The following GNG4 variants were observed in gnomAD, a reference collection of about 807,000 sequenced individuals.
The protein encoded by GNG4 is G protein subunit gamma 4, also known as guanine nucleotide-binding protein G(I)/G(S)/G(O) subunit gamma-4.
In GNG4, 4 loss-of-function variants were observed where a neutral mutation model predicts 5.8. The ratio of observed to expected loss-of-function variants is 0.69; its 90% CI spans 0.34 to 1.57. GNG4 has a LOEUF of 1.57. Among genes scored for constraint, GNG4 ranks in the 40% most tolerant of loss-of-function variants. The pLI is 0.06. For synonymous variants in GNG4, 29 were observed against 32.9 expected, an observed-to-expected ratio of 0.88 and a Z score of 0.41; for missense variants, 96 against 95.1, an observed-to-expected ratio of 1.01 and a Z score of -0.04.
chr1:235,555,191 G>A lies in GNG4; in HGVS notation c.100-2954C>T, dbSNP rs150662262. On this transcript the variant is annotated intron_variant, in intron 3 of 3. Transcript: ENST00000391854. Reference sequence around the variant, plus strand: ...TCCATGATGAGAGGCCAGGAGACGGGGCATCTGACAACCTGTCCAGTCCCA... The same window carrying A: ...TCCATGATGAGAGGCCAGGAGACGGAGCATCTGACAACCTGTCCAGTCCCA... Among the ~76,000 whole-genome samples, 6 of 152,234 alleles carry A rather than the reference G, an allele frequency of 3.9e-5. No individual in the cohort carries two copies. In the East Asian group the frequency reaches 9.7e-4, roughly 25 times the overall value.
In GNG4 at chr1:235,552,214, G is replaced by A; in HGVS notation, c.123C>T (p.Leu41=). The A allele has an allele frequency of 6.2e-7, 1 of 1,614,080 alleles. No homozygotes were observed. Among genetic ancestry groups the A allele is most frequent in the South Asian group, 1.1e-5 (1 of 91,078 alleles). The part of the protein sequence containing the change: ...RVKVSQAAAD[L]LAYCEAHVRE... ...GCACGTGAGCTTCACAGTAGGCCAG[G>A]AGGTCCGCAGCTGCCTGGGAGACCT... The change falls in exon 4 of 4, where the codon CTC becomes CTT. Residue 41 remains leucine, a synonymous_variant. Coordinates refer to ENST00000391854, the MANE Select transcript of GNG4 (RefSeq NM_001098722.2).
intron 1 of GNG4, among the ~76,000 whole-genome samples, chr1:235,605,974 G>A (rs142807889): frequency 1.8e-3 from 266 of 148,830 alleles, no homozygotes; most frequent in African/African-American, 6.2e-3. Flanking sequence ...GGGTCTCACT[G>A]TGTTGCCCAG....
intron 3 of GNG4, among the ~76,000 whole-genome samples, chr1:235,582,563 C>G (rs1342697845): frequency 6.6e-6 from 1 of 152,244 alleles, no homozygotes; most frequent in East Asian, 1.9e-4. Flanking sequence ...CCTGTCTGCA[C>G]TTCTGGAGCA....
chr1:235,625,162 C>T (rs1277897044), intron 1 of GNG4, among the ~76,000 whole-genome samples: 1 of 152,200 alleles, frequency 6.6e-6, no homozygotes, highest in Non-Finnish European at 1.5e-5. Context: ...CACACAAAGC[C>T]ACAAGAATGA....
rs1657584079 is a variant in GNG4, at chr1:235,648,885, A to G, written c.-123+777T>C. ...ACATTTTCGGGTTTCCTAACACCTT[A>G]GCCCCAAATACTCGAAATGAAGCAA... On this transcript the variant is annotated intron_variant, in intron 1 of 3. Coordinates refer to ENST00000391854, the MANE Select transcript of GNG4 (RefSeq NM_001098722.2). The surrounding 1 kb of genome is among the most constrained non-coding windows in gnomAD (Gnocchi z 5.0). 6.6e-6 allele frequency among the ~76,000 whole-genome samples: 1 copy of G among 152,170 alleles called. No homozygotes were observed. Among genetic ancestry groups the G allele is most frequent in the South Asian group, 2.1e-4 (1 of 4,826 alleles).
At chr1:235,638,936 T>C (rs970030512) in intron 1 of GNG4, among the ~76,000 whole-genome samples, 1 of 152,208 alleles carries the variant, frequency 6.6e-6, no homozygotes, top group African/African-American at 2.4e-5. Context: ...TCCAAGTCTT[T>C]GCTATTGTAA....
At chr1:235,637,030 C>G (rs1295764883) in intron 1 of GNG4, among the ~76,000 whole-genome samples, 12 of 147,694 alleles carry the variant, frequency 8.1e-5, no homozygotes, top group African/African-American at 3.0e-4. Context: ...TGCACTCCAG[C>G]CTGGGCGACA....
chr1:235,577,041 T>G (rs1687499721), intron 3 of GNG4, among the ~76,000 whole-genome samples: 1 of 152,226 alleles, frequency 6.6e-6, no homozygotes, highest in Non-Finnish European at 1.5e-5. Flanking sequence ...TTTTCCTTTC[T>G]CTTCCCAGTG....
chr1:235,552,274 C>T (rs1471333759), intron 3 of GNG4, 37 bp from the exon 4 acceptor site: 29 of 1,607,058 alleles, frequency 1.8e-5, no homozygotes, highest in Non-Finnish European at 2.4e-5. Flanking sequence ...CAGTTAAAGG[C>T]CCCTTTGCAG....
chr1:235,582,069 G>A (rs898732320), intron 3 of GNG4, among the ~76,000 whole-genome samples: 3 of 152,092 alleles, frequency 2.0e-5, no homozygotes, highest in East Asian at 3.9e-4. Context: ...TGCCTCCCAC[G>A]TTTACTCTCC....
intron 2 of GNG4, among the ~76,000 whole-genome samples, chr1:235,589,113 C>T (rs369337771): frequency 9.2e-5 from 14 of 152,214 alleles, no homozygotes; most frequent in African/African-American, 2.9e-4. Flanking sequence ...AGAGCGCAGG[C>T]GTATAACTCC....
chr1:235,598,732 A>ATT lies in GNG4; in HGVS notation c.-122-3223_-122-3222dup, dbSNP rs34577116. On this transcript the variant is annotated intron_variant, in intron 1 of 3. Transcript: ENST00000391854. ...AGTGGAAGTTGAAGCTTCCCAGGTG[A>ATT]TTTTTTTTTTTTTGAGACAGGCTCA... Among the ~76,000 whole-genome samples, 268 of 146,590 alleles carry ATT rather than the reference A, an allele frequency of 1.8e-3. 2 individuals carry two copies. Among genetic ancestry groups the ATT allele is most frequent in the Middle Eastern group, 3.5e-3 (1 of 282 alleles).
intron 3 of GNG4, among the ~76,000 whole-genome samples, chr1:235,572,220 T>C (rs997000147): frequency 2.6e-5 from 4 of 152,010 alleles, no homozygotes; most frequent in Admixed American, 6.6e-5. Flanking sequence ...GTACTAGATA[T>C]CTTTTTTTTG....
chr1:235,619,595 T>A (rs189434279), intron 1 of GNG4, among the ~76,000 whole-genome samples: 354 of 152,318 alleles, frequency 2.3e-3, no homozygotes, highest in Non-Finnish European at 3.8e-3. Context: ...AGATTCTAGA[T>A]GAAATATCAG....
At chr1:235,641,810 C>A (rs1196404876) in intron 1 of GNG4, among the ~76,000 whole-genome samples, 1 of 152,204 alleles carries the variant, frequency 6.6e-6, no homozygotes, top group African/African-American at 2.4e-5. Context: ...GGCAGGTCCT[C>A]CCACAAGCAG....
At chr1:235,556,930 G>A (rs1572608594) in intron 3 of GNG4, among the ~76,000 whole-genome samples, 2 of 151,808 alleles carry the variant, frequency 1.3e-5, no homozygotes, top group East Asian at 3.9e-4. Flanking sequence ...CCTCACACGC[G>A]CAGTTCACAA....
rs1328642852 is a variant in GNG4, at chr1:235,642,477, A to G, written c.-123+7185T>C. Among the ~76,000 whole-genome samples, 3 of 152,226 alleles carry G rather than the reference A, an allele frequency of 2.0e-5. No individual in the cohort carries two copies. The highest frequency in any genetic ancestry group is 4.4e-5 in the Non-Finnish European group (3 of 68,044). On this transcript the variant is annotated intron_variant, in intron 1 of 3. Transcript: ENST00000391854. This position sits in a 1 kb window ranked among gnomAD's most constrained non-coding sequence, Gnocchi z 4.3. The stretch of plus-strand genomic sequence containing the variant: ...ACAGCGTCCGAGCCAATCCGTAAGC[A>G]TCAGAGGGACAAAGAAATCATAAAC...
chr1:235,579,201 C>T (rs1687561147), intron 3 of GNG4, among the ~76,000 whole-genome samples: 1 of 151,548 alleles, frequency 6.6e-6, no homozygotes, highest in South Asian at 2.1e-4. Flanking sequence ...TTGAAAATTG[C>T]TAAGAGAATA....
intron 3 of GNG4, among the ~76,000 whole-genome samples, chr1:235,559,628 G>A (rs185415282): frequency 9.2e-4 from 140 of 152,324 alleles, no homozygotes; most frequent in Non-Finnish European, 1.4e-3. Context: ...TGGGTCCTAG[G>A]CCACAGGCAA....
Sources: gnomAD v4.1 joint callset for allele counts (sites outside exome capture counted in the v4.1 genomes callset) on GRCh38, gnomAD v4.1.1 for gene constraint, Gnocchi (gnomAD v3.1) non-coding constraint, MANE v1.5 for transcripts, NCBI Gene and HGNC (gene_info 2026-07-23, HGNC 2026-07-21) for gene names.